WDPCP: variants seen among roughly 807,000 people sequenced by gnomAD.
WDPCP encodes the protein WD repeat-containing and planar cell polarity effector protein fritz homolog.
Under a neutral mutation model 93.1 loss-of-function variants are expected in WDPCP, and 71 were observed. That is an observed-to-expected ratio of 0.76 (90% CI 0.63 to 0.93). WDPCP has a LOEUF of 0.93. Ranked by LOEUF, WDPCP falls within the 40% of genes least tolerant of loss-of-function variation. The pLI is 0.00. For missense variants in WDPCP, 844 were observed against 887.4 expected, an observed-to-expected ratio of 0.95 and a Z score of 0.62; for synonymous variants, 315 against 315.0, an observed-to-expected ratio of 1.00 and a Z score of 0.00.
intron 6 of WDPCP, among the ~76,000 whole-genome samples, chr2:63,450,338 G>C (rs935538403): frequency 9.9e-5 from 15 of 152,226 alleles, no homozygotes; most frequent in Admixed American, 7.2e-4. Context: ...CTACCTGTCT[G>C]GGGCTGTGGG....
intron 13 of WDPCP, among the ~76,000 whole-genome samples, chr2:63,311,564 A>G (rs180981470): frequency 6.6e-6 from 1 of 152,288 alleles, no homozygotes; most frequent in Admixed American, 6.5e-5. Flanking sequence ...TTTGCAAATA[A>G]AAAGGACAGT....
intron 12 of WDPCP, among the ~76,000 whole-genome samples, chr2:63,343,563 T>G (rs1293482575): frequency 6.6e-6 from 1 of 152,222 alleles, no homozygotes; most frequent in Non-Finnish European, 1.5e-5. Context: ...TTGAGCTTCT[T>G]GCATGTGCAG....
In WDPCP at chr2:63,245,330, G is replaced by A. The variant is rs371324621; in HGVS notation, c.1915+13977C>T. On this transcript the variant is annotated intron_variant, in intron 14 of 17. Transcript: ENST00000272321. ...CTCTTTGTAAAGATATTCATGAAAT[G>A]TCCAAATAGTCTATATTAAATAATT... 1.9e-4 allele frequency among the ~76,000 whole-genome samples: 29 copies of A among 152,238 alleles called. No homozygotes were observed. The East Asian group carries it at 3.1e-3, about 16-fold the overall frequency.
intron 15 of WDPCP, among the ~76,000 whole-genome samples, chr2:63,173,673 T>C (rs981252921): frequency 2.6e-5 from 4 of 152,224 alleles, no homozygotes; most frequent in African/African-American, 9.6e-5. Flanking sequence ...TTTGTGTGAT[T>C]TCCAAAGCCC....
upstream of WDPCP, among the ~76,000 whole-genome samples, chr2:63,832,744 T>C (rs1286902212): frequency 2.0e-5 from 3 of 152,212 alleles, no homozygotes; most frequent in Non-Finnish European, 4.4e-5. Flanking sequence ...GTGCCTATTA[T>C]GTGTCAAGCA....
intron 14 of WDPCP, among the ~76,000 whole-genome samples, chr2:63,234,880 G>C (rs1346234652): frequency 2.0e-5 from 3 of 152,050 alleles, no homozygotes; most frequent in African/African-American, 7.2e-5. Flanking sequence ...ATAACTATTT[G>C]TAAAGCCCTT....
In WDPCP at chr2:63,151,778, T is replaced by C. The variant is rs114314478; in HGVS notation, c.2190+1136A>G. Among the ~76,000 whole-genome samples, 105 of 152,318 alleles carry C rather than the reference T, an allele frequency of 6.9e-4. 1 individual carries two copies. Among genetic ancestry groups the C allele is most frequent in the African/African-American group, 2.3e-3 (97 of 41,572 alleles). On this transcript the variant is annotated intron_variant, in intron 17 of 17. Transcript: ENST00000272321. ...CATTACTATCATTAGTATAGTTCCATATAATTAGCAAAGTCCTATCACATT... is the reference window on the plus strand; with the variant it reads ...CATTACTATCATTAGTATAGTTCCACATAATTAGCAAAGTCCTATCACATT...
rs11344156 is a variant in WDPCP, at chr2:63,120,524, ATTT to A, written c.*1479_*1481del. 3.7e-5 allele frequency among the ~76,000 whole-genome samples: 4 copies of A among 108,858 alleles called. No homozygotes were observed. Among genetic ancestry groups the A allele is most frequent in the African/African-American group, 3.5e-5 (1 of 28,984 alleles). 71.4% of individuals were successfully genotyped at this position (108,858 alleles called of 152,430 possible). A position where few individuals can be genotyped will look rare whatever the true frequency, so the allele number is the denominator to read the frequency against. On this transcript the variant is annotated 3_prime_UTR_variant, in exon 18 of 18. Coordinates refer to ENST00000272321, the MANE Select transcript of WDPCP (RefSeq NM_015910.7). ...TTGATTATTATTATAGATGTCTATA[ATTT>A]TTTTTTTTTTTTTTTTTGCAACGGA...
chr2:63,478,949 A>G (rs1575495238), intron 6 of WDPCP, among the ~76,000 whole-genome samples: 2 of 152,260 alleles, frequency 1.3e-5, no homozygotes, highest in East Asian at 3.9e-4. Context: ...CATTAGCAAG[A>G]TTAACCAAGA....
intron 9 of WDPCP, among the ~76,000 whole-genome samples, chr2:63,408,401 G>A (rs541046248): frequency 3.6e-4 from 55 of 152,238 alleles, no homozygotes; most frequent in African/African-American, 1.3e-3. Context: ...CAAAATACAG[G>A]GGTAGTGCAA....
At chr2:63,123,373 A>C (rs1178632793) in intron 17 of WDPCP, among the ~76,000 whole-genome samples, 1 of 152,142 alleles carries the variant, frequency 6.6e-6, no homozygotes, top group Non-Finnish European at 1.5e-5. Context: ...GGCTGATGGC[A>C]TACCTAAGAA....
intron 17 of WDPCP, among the ~76,000 whole-genome samples, chr2:63,145,667 G>A (rs1671445349): frequency 6.6e-6 from 1 of 152,142 alleles, no homozygotes; most frequent in South Asian, 2.1e-4. Context: ...TTGAAAACTT[G>A]TCCTGGGCTA....
At chr2:63,754,607 A>G (rs1475120836) in intron 2 of WDPCP, among the ~76,000 whole-genome samples, 1 of 152,192 alleles carries the variant, frequency 6.6e-6, no homozygotes, top group African/African-American at 2.4e-5. Flanking sequence ...CAAACATGTA[A>G]TGGCTCTAAA....
intron 1 of WDPCP, among the ~76,000 whole-genome samples, chr2:63,561,895 A>C (rs1706657384): frequency 6.6e-6 from 1 of 152,232 alleles, no homozygotes; most frequent in Admixed American, 6.5e-5. Context: ...GCTGTGGAGC[A>C]ACAGGAAAGC....
intron 3 of WDPCP, chr2:63,606,072 A>T (rs746184677): frequency 1.3e-6 from 2 of 1,523,176 alleles, no homozygotes. Flanking sequence ...GGAAGTAGTT[A>T]TATGTTTCTC....
At chr2:63,511,951 G>A (rs1041230979) in intron 1 of WDPCP, among the ~76,000 whole-genome samples, 2 of 152,180 alleles carry the variant, frequency 1.3e-5, no homozygotes, top group African/African-American at 4.8e-5. Context: ...TATCATCAGA[G>A]TGAACAGGCA....
At chr2:63,192,871 AAC>A (rs2104244607) in intron 14 of WDPCP, among the ~76,000 whole-genome samples, 1 of 152,362 alleles carries the variant, frequency 6.6e-6, no homozygotes, top group South Asian at 2.1e-4. Context: ...TTCAAGGTAA[AAC>A]ACTTTTCAAG....
intron 2 of WDPCP, among the ~76,000 whole-genome samples, chr2:63,761,306 G>A (rs563543410): frequency 2.0e-5 from 3 of 152,146 alleles, no homozygotes; most frequent in South Asian, 4.2e-4. Flanking sequence ...GGTCCTTGCC[G>A]GATGCCAGTA....
At chr2:63,828,805 C>T (rs186527314), upstream of WDPCP, among the ~76,000 whole-genome samples, 21 of 152,210 alleles carry the variant, frequency 1.4e-4, no homozygotes, top group African/African-American at 4.8e-4. Flanking sequence ...TAAACTCTTG[C>T]CCCTGCCCTA....
Sources: gnomAD v4.1 joint callset for allele counts (sites outside exome capture counted in the v4.1 genomes callset) on GRCh38, gnomAD v4.1.1 for gene constraint, MANE v1.5 for transcripts, NCBI Gene and HGNC (gene_info 2026-07-23, HGNC 2026-07-21) for gene names.